The following SELENOI variants were observed in gnomAD, a reference collection of about 807,000 sequenced individuals.
The protein encoded by SELENOI is ethanolaminephosphotransferase 1.
In SELENOI, 24 loss-of-function variants were observed where a neutral mutation model predicts 50.7. The ratio of observed to expected loss-of-function variants is 0.47; its 90% CI spans 0.34 to 0.67. The LOEUF (loss-of-function observed/expected upper bound fraction) is 0.67. SELENOI is among the 30% of genes least tolerant of loss of function. SELENOI has a pLI of 0.01. For synonymous variants in SELENOI, 155 were observed against 170.2 expected (o/e 0.91, Z 0.70); for missense variants, 352 against 461.4 (o/e 0.76, Z 2.17).
At position 26,350,439 on chromosome 2, in the gene SELENOI, G is replaced by A. The variant is rs888827461; in HGVS notation, c.57+4150G>A. Among the ~76,000 whole-genome samples, 4 of 151,968 alleles carry A rather than the reference G, an allele frequency of 2.6e-5. No individual in the cohort carries two copies. In the South Asian group the frequency reaches 8.3e-4, roughly 32 times the overall value. On this transcript the variant is annotated intron_variant, in intron 1 of 9. Coordinates refer to ENST00000260585, the MANE Select transcript of SELENOI (RefSeq NM_033505.4). ...AGTGGTGCGATCATAGCTTACTGCA[G>A]CCTTGAATTCCTCAGGTGATCTTCC...
chr2:26,349,784 T>C (rs909144324), intron 1 of SELENOI, among the ~76,000 whole-genome samples: 1 of 148,528 alleles, frequency 6.7e-6, no homozygotes, highest in Non-Finnish European at 1.5e-5. Flanking sequence ...GGAGGAAATA[T>C]TCTGTGAAAT....
At chr2:26,385,183 G>A (rs1677813401) in intron 8 of SELENOI, 44 bp downstream of exon 8, 2 of 1,103,016 alleles carry the variant, frequency 1.8e-6, no homozygotes, top group Admixed American at 3.7e-5. Context: ...TATTAGGATT[G>A]TATGACAGAA....
intron 7 of SELENOI, 52 bp from the exon 8 acceptor site, chr2:26,384,907 G>A (rs1677806106): frequency 7.4e-7 from 1 of 1,347,832 alleles, no homozygotes; most frequent in Non-Finnish European, 1.0e-6. Context: ...TACAAGTACT[G>A]TACAATTTAT....
intron 1 of SELENOI, among the ~76,000 whole-genome samples, chr2:26,354,031 G>A (rs544823126): frequency 1.3e-5 from 2 of 152,164 alleles, no homozygotes; most frequent in African/African-American, 4.8e-5. Context: ...CCGAGCCTTG[G>A]GAGCTCAGTG....
At chr2:26,376,508 T>C (rs1434079027) in intron 6 of SELENOI, among the ~76,000 whole-genome samples, 3 of 152,222 alleles carry the variant, frequency 2.0e-5, no homozygotes, top group Non-Finnish European at 4.4e-5. Context: ...ATAATTTTCT[T>C]TATAATGTTT....
chr2:26,383,475 A>G, intron 7 of SELENOI, 128 bp downstream of exon 7: 1 of 657,160 alleles, frequency 1.5e-6, no homozygotes, highest in Non-Finnish European at 2.6e-6. Context: ...TATATTTTAA[A>G]TCTTTAATGG....
chr2:26,390,796 G>A lies in SELENOI; in HGVS notation c.*1693G>A, dbSNP rs1192391318. 1 of 152,180 alleles carries A rather than the reference G, an allele frequency of 6.6e-6. No homozygotes were observed. The highest frequency in any genetic ancestry group is 2.4e-5 in the African/African-American group (1 of 41,438). The allele number at this position is 152,180 out of a possible 1,614,324, so 9.4% of individuals were successfully genotyped here. ...GTTAATTGCCATCATGGAAGTCAGA[G>A]AATTAACCAATTAAGTGACGGTAAC... On this transcript the variant is annotated 3_prime_UTR_variant, in exon 10 of 10. Transcript: ENST00000260585.
rs758404651 is a variant in SELENOI at position 26,346,204 on chromosome 2, C to G, written c.-29C>G. ...ACAGCCTTGTAGCCGGGAGTCGCTG[C>G]CGAGTGGGCGCTCAGTTTTCGGGTC... is the stretch of plus-strand genomic sequence containing the variant. On this transcript the variant is annotated 5_prime_UTR_variant, in exon 1 of 10. Transcript: ENST00000260585. The G allele has an allele frequency of 1.2e-6, 2 of 1,613,424 alleles. No individual in the cohort carries two copies. Among genetic ancestry groups the G allele is most frequent in the Admixed American group, 3.3e-5 (2 of 59,982 alleles).
At chr2:26,370,891 A>C (rs1234213593) in intron 4 of SELENOI, among the ~76,000 whole-genome samples, 18 of 74,314 alleles carry the variant, frequency 2.4e-4, no homozygotes, top group African/African-American at 5.9e-4. Context: ...TGACACCCCC[A>C]CCTCCCTCCC....
chr2:26,379,244 G>T (rs915015369), intron 6 of SELENOI, among the ~76,000 whole-genome samples: 3 of 152,186 alleles, frequency 2.0e-5, no homozygotes, highest in African/African-American at 7.2e-5. Context: ...TGGGTGAGAA[G>T]AGCGCAACTC....
intron 7 of SELENOI, 79 bp downstream of exon 7, chr2:26,383,426 C>T (rs1405129349): frequency 3.0e-6 from 3 of 1,014,714 alleles, no homozygotes; most frequent in Non-Finnish European, 4.3e-6. Context: ...GATCTATTTT[C>T]CTTTTGGAGT....
chr2:26,369,271 A>G (rs1677357365), intron 4 of SELENOI, among the ~76,000 whole-genome samples: 1 of 152,162 alleles, frequency 6.6e-6, no homozygotes, highest in South Asian at 2.1e-4. Flanking sequence ...TCATGTTTAT[A>G]TCTAGCCCTG....
intron 3 of SELENOI, among the ~76,000 whole-genome samples, chr2:26,366,330 T>A (rs1244961738): frequency 6.6e-6 from 1 of 152,172 alleles, no homozygotes; most frequent in East Asian, 1.9e-4. Context: ...TTTATTTATT[T>A]ATTTATTTTT....
chr2:26,385,893 C>G (rs919395723), intron 8 of SELENOI, among the ~76,000 whole-genome samples: 2 of 152,102 alleles, frequency 1.3e-5, no homozygotes, highest in Non-Finnish European at 2.9e-5. Flanking sequence ...CAAGTAAGGT[C>G]TTCAAAAATA....
At position 26,395,237 on chromosome 2, in the gene SELENOI, C is replaced by T. The variant is rs1678064408; in HGVS notation, c.*6134C>T. On this transcript the variant is annotated 3_prime_UTR_variant, in exon 10 of 10. Transcript: ENST00000260585. Reference sequence around the variant, plus strand: ...CTTGATTATCAGCAAAATGGTCAGCCTTTATCAGATAGTTTCTTCATGTGG... The same window carrying T: ...CTTGATTATCAGCAAAATGGTCAGCTTTTATCAGATAGTTTCTTCATGTGG... 1 of 152,168 alleles carries T rather than the reference C, an allele frequency of 6.6e-6. No homozygotes were observed. The highest frequency in any genetic ancestry group is 1.5e-5 in the Non-Finnish European group (1 of 68,044). 9.4% of individuals were successfully genotyped at this position (152,168 alleles called of 1,614,324 possible). A position where few individuals can be genotyped will look rare whatever the true frequency, so the allele number is the denominator to read the frequency against.
chr2:26,383,619 C>G (rs1306141193), intron 7 of SELENOI, among the ~76,000 whole-genome samples: 1 of 152,166 alleles, frequency 6.6e-6, no homozygotes, highest in Non-Finnish European at 1.5e-5. Flanking sequence ...TGGCTCACAC[C>G]TGTAATCCCA....
rs191150120 is a variant in SELENOI at position 26,389,236 on chromosome 2, C to G, written c.*133C>G. ...TGGTACTTGGACAGCAGGAATGATA[C>G]ATATAATCTGAACTTGGGAAATTTT... On this transcript the variant is annotated 3_prime_UTR_variant, in exon 10 of 10. Coordinates refer to ENST00000260585, the MANE Select transcript of SELENOI (RefSeq NM_033505.4). 2 of 681,146 alleles carry G rather than the reference C, an allele frequency of 2.9e-6. No individual in the cohort carries two copies. The highest frequency in any genetic ancestry group is 4.9e-6 in the Non-Finnish European group (2 of 408,094). The allele number at this position is 681,146 out of a possible 1,614,324, so 42.2% of individuals were successfully genotyped here. A position where few individuals can be genotyped will look rare whatever the true frequency, so the allele number is the denominator to read the frequency against.
chr2:26,362,778 A>G (rs1363265425), intron 1 of SELENOI, among the ~76,000 whole-genome samples: 1 of 151,958 alleles, frequency 6.6e-6, no homozygotes, highest in African/African-American at 2.4e-5. Flanking sequence ...AAAAAGAAAA[A>G]CTTTTTCAAG....
Position 26,365,627 on chromosome 2 carries a change from A to C in SELENOI, c.235+687A>C, listed in dbSNP as rs1186356720. Among the ~76,000 whole-genome samples, 10 of 152,246 alleles carry C rather than the reference A, an allele frequency of 6.6e-5. No individual in the cohort carries two copies. The East Asian group carries it at 1.9e-3, about 29-fold the overall frequency. On this transcript the variant is annotated intron_variant, in intron 3 of 9. Coordinates refer to ENST00000260585, the MANE Select transcript of SELENOI (RefSeq NM_033505.4). ...GATAGATGGGCATTTTTTGCATTCT[A>C]AGAGAATTTTCCAACAGTAATACTT...
Sources: allele counts gnomAD v4.1 joint callset (sites outside exome capture counted in the v4.1 genomes callset), GRCh38; gene constraint gnomAD v4.1.1; transcripts MANE v1.5; gene names NCBI Gene and HGNC (gene_info 2026-07-23, HGNC 2026-07-21).